ZNF512B: variants seen among roughly 807,000 people sequenced by gnomAD.
ZNF512B encodes the protein zinc finger protein 512B.
A neutral mutation model predicts 87.8 loss-of-function variants in ZNF512B; 22 were observed. The observed-to-expected ratio is 0.25, with a 90% CI of 0.18 to 0.36. The LOEUF is 0.36. Among genes scored for constraint, ZNF512B ranks in the 10% least tolerant of loss-of-function variants. The pLI is 1.00. For missense variants in ZNF512B, 1,060 were observed against 1,231.6 expected, an observed-to-expected ratio of 0.86 and a Z score of 2.09; for synonymous variants, 524 against 490.9, an observed-to-expected ratio of 1.07 and a Z score of -0.89.
Position 63,967,005 on chromosome 20 carries a change from C to G in ZNF512B, c.265-1G>C. 1 of 1,613,340 alleles carries G rather than the reference C, an allele frequency of 6.2e-7. No homozygotes were observed. The highest frequency in any genetic ancestry group is 8.5e-7 in the Non-Finnish European group (1 of 1,179,996). Reference sequence around the variant, plus strand: ...CCTTCCAGTCGTTCATCAGGGAGAGCTAGGCGTGGGGAAAGGTGGTGCTGC... The same window carrying G: ...CCTTCCAGTCGTTCATCAGGGAGAGGTAGGCGTGGGGAAAGGTGGTGCTGC... On this transcript the variant is annotated splice_acceptor_variant, in intron 3 of 16. Transcript: ENST00000369888. LOFTEE classifies it high-confidence loss of function.
At chr20:63,969,303 C>T (rs1424719784) in intron 1 of ZNF512B, 1 of 479,944 alleles carries the variant, frequency 2.1e-6, no homozygotes, top group Non-Finnish European at 2.7e-6. Flanking sequence ...GGCAGAGACG[C>T]GACTGGCGCC....
In ZNF512B at chr20:63,959,961, G is replaced by A. The variant is rs1396192467; in HGVS notation, c.2606C>T (p.Pro869Leu). The A allele has an allele frequency of 2.5e-6, 4 of 1,611,680 alleles. No homozygotes were observed. Among genetic ancestry groups the A allele is most frequent in the Non-Finnish European group, 2.5e-6 (3 of 1,179,936 alleles). The part of the protein sequence containing the change: ...KLPPRRDDWP[P>L]GCRDKGARGS... The stretch of plus-strand genomic sequence containing the variant: ...CCGGGCCCCCTTGTCTCTGCATCCT[G>A]GAGGCCAGTCGTCCCGGCGCGGGGG... Residue 869 changes from proline (P) to leucine (L), a missense_variant, in exon 17 of 17, where the codon CCA (proline) becomes CTA (leucine). Pro to Leu is a moderately conservative substitution (Grantham distance 98). Transcript: ENST00000369888.
intron 16 of ZNF512B, among the ~76,000 whole-genome samples, chr20:63,960,974 G>GC (rs112428137): frequency 4.8e-5 from 7 of 145,136 alleles, no homozygotes; most frequent in African/African-American, 7.7e-5. Flanking sequence ...AGCACCTGCA[G>GC]GGGGCTGGAC....
chr20:63,969,346 C>T (rs1002214087), intron 1 of ZNF512B, among the ~76,000 whole-genome samples: 2 of 152,216 alleles, frequency 1.3e-5, no homozygotes, highest in Non-Finnish European at 2.9e-5. Flanking sequence ...CCTCCCGAGC[C>T]CAGCGGGGAC....
At chr20:63,960,650 C>G (rs1347495869) in intron 16 of ZNF512B, among the ~76,000 whole-genome samples, 1 of 148,754 alleles carries the variant, frequency 6.7e-6, no homozygotes, top group African/African-American at 2.5e-5. Flanking sequence ...CTGGACACAG[C>G]CTTCGGGACC....
Position 63,963,417 on chromosome 20 carries a change from TTCGGAGGCC to T in ZNF512B, c.1713_1721del (p.Ala572_Glu574del). 1 of 1,548,862 alleles carries T rather than the reference TTCGGAGGCC, an allele frequency of 6.5e-7. No homozygotes were observed. The highest frequency in any genetic ancestry group is 8.7e-7 in the Non-Finnish European group (1 of 1,151,840). ...TCTCGCGCTCCTCCTGCTCGCCCCC[TTCGGAGGCC>T]TCGGCGTCAGAGGGCTGGGGACAGG... On this transcript the variant is annotated inframe_deletion, in exon 11 of 17. Transcript: ENST00000369888.
Position 63,967,838 on chromosome 20 carries a change from G to A in ZNF512B, c.113C>T (p.Pro38Leu), listed in dbSNP as rs771936199. ...GCCCTGACTCCTCTTACCCATCTTCGGTGGGTCATGCAGCATTGGAAGTCG... is the reference window on the plus strand; with the variant it reads ...GCCCTGACTCCTCTTACCCATCTTCAGTGGGTCATGCAGCATTGGAAGTCG... ...EVRLPMLHDPPKMGMPVVRGG... is the reference protein window; with the variant it reads ...EVRLPMLHDPLKMGMPVVRGG... The change falls in exon 2 of 17, where the codon CCG becomes CTG. Residue 38 changes from proline (P) to leucine (L), a missense_variant. By Grantham distance (98) the Pro-to-Leu change is moderately conservative. This residue lies in a region of ZNF512B where 134 missense variants were observed against 153.6 expected (regional missense o/e 0.87). Transcript: ENST00000369888. 5.6e-6 allele frequency: 9 copies of A among 1,612,114 alleles called. No homozygotes were observed. The highest frequency in any genetic ancestry group is 1.1e-5 in the South Asian group (1 of 91,062).
chr20:63,962,932 G>T, intron 12 of ZNF512B, 151 bp from the exon 13 acceptor site: 1 of 1,265,834 alleles, frequency 7.9e-7, no homozygotes, highest in Non-Finnish European at 1.1e-6. Context: ...GGAACACGGA[G>T]GTTTCACCCT....
Position 63,962,625 on chromosome 20 carries a change from G to T in ZNF512B, c.2125C>A (p.Arg709=). Residue 709 remains arginine, a synonymous_variant, in exon 13 of 17, where the codon CGG becomes AGG. Transcript: ENST00000369888. ...GGCACAAGGTCATCCTTCATGCGCC[G>T]CTTGGTCCAGTCGCGGGCCAGCTCG... The part of the protein sequence containing the change: ...EDELARDWTK[R]RMKDDLVPET... 1 of 1,607,560 alleles carries T rather than the reference G, an allele frequency of 6.2e-7. No homozygotes were observed. The highest frequency in any genetic ancestry group is 8.5e-7 in the Non-Finnish European group (1 of 1,178,838).
At position 63,957,212 on chromosome 20, in the gene ZNF512B, C is replaced by T. The variant is rs901635392; in HGVS notation, c.*2676G>A. ...TTGCACCAGCAAATAAAGTGCATCC[C>T]ATTTTCGTGTGAGCGTCGGCCCGGT... is the stretch of plus-strand genomic sequence containing the variant. On this transcript the variant is annotated 3_prime_UTR_variant, in exon 17 of 17. Transcript: ENST00000369888. 4 of 152,648 alleles carry T rather than the reference C, an allele frequency of 2.6e-5. No individual in the cohort carries two copies. Among genetic ancestry groups the T allele is most frequent in the Non-Finnish European group, 5.9e-5 (4 of 68,052 alleles). 9.5% of individuals were successfully genotyped at this position (152,648 alleles called of 1,614,324 possible).
rs2058855209 is a variant in ZNF512B at position 63,961,851 on chromosome 20, G to T, written c.2328+91C>A. 1.5e-6 allele frequency: 2 copies of T among 1,305,430 alleles called. No homozygotes were observed. The highest frequency in any genetic ancestry group is 1.3e-5 in the South Asian group (1 of 78,734). The allele number at this position is 1,305,430 out of a possible 1,614,324, so 80.9% of individuals were successfully genotyped here. A position where few individuals can be genotyped will look rare whatever the true frequency, so the allele number is the denominator to read the frequency against. ...TAGAAAAAGTAGGGGACAAGGCAGG[G>T]TCCCTCACTACTGTGTGGGAAGCCC... On this transcript the variant is annotated intron_variant, in intron 15 of 16. Coordinates refer to ENST00000369888, the MANE Select transcript of ZNF512B (RefSeq NM_020713.3). This position sits in a 1 kb window ranked among gnomAD's most constrained non-coding sequence, Gnocchi z 6.4.
At position 63,963,669 on chromosome 20, in the gene ZNF512B, G is replaced by A. The variant is rs150091207; in HGVS notation, c.1647C>T (p.Phe549=). Residue 549 remains phenylalanine (F), a synonymous_variant, in exon 10 of 17, where the codon TTC becomes TTT. Coordinates refer to ENST00000369888, the MANE Select transcript of ZNF512B (RefSeq NM_020713.3). The part of the protein sequence containing the change: ...ALKCQHCRKQ[F]KSKAGLNYHT... ...GGTAGTTGAGGCCGGCTTTGGACTTGAACTGCTTCCGGCAGTGCTGGCACT... is the reference window on the plus strand; with the variant it reads ...GGTAGTTGAGGCCGGCTTTGGACTTAAACTGCTTCCGGCAGTGCTGGCACT... 1.8e-5 allele frequency: 29 copies of A among 1,613,482 alleles called. No individual in the cohort carries two copies. Among genetic ancestry groups the A allele is most frequent in the Non-Finnish European group, 5.1e-6 (6 of 1,180,032 alleles).
chr20:63,960,802 A>C (rs1226412246), intron 16 of ZNF512B, among the ~76,000 whole-genome samples: 7 of 137,002 alleles, frequency 5.1e-5, no homozygotes, highest in African/African-American at 8.4e-5. Flanking sequence ...AAGCACCTGC[A>C]GCAGGGCTGG....
At chr20:63,967,594 A>G (rs2058941706) in intron 2 of ZNF512B, 71 bp from the exon 3 acceptor site, 1 of 1,521,148 alleles carries the variant, frequency 6.6e-7, no homozygotes, top group South Asian at 1.3e-5. Flanking sequence ...GCACAGGCCC[A>G]CAGTGAGCAC....
chr20:63,967,358 A>C (rs535591794), intron 3 of ZNF512B, 23 bp downstream of exon 3: 6 of 1,574,676 alleles, frequency 3.8e-6, no homozygotes, highest in South Asian at 3.5e-5. Context: ...CATGAGCCCC[A>C]CCATGGCCCT....
In ZNF512B at chr20:63,967,969, CA is replaced by C. The variant is rs1223876170; in HGVS notation, c.-2-18del. ...CCGTCATCTCTGCAGAGCAAGTAGA[CA>C]ATCTGTGAAGCCTGACGGGCCCCAC... is the stretch of plus-strand genomic sequence containing the variant. On this transcript the variant is annotated intron_variant, in intron 1 of 16. Coordinates refer to ENST00000369888, the MANE Select transcript of ZNF512B (RefSeq NM_020713.3). 2 of 1,594,436 alleles carry C rather than the reference CA, an allele frequency of 1.3e-6. No individual in the cohort carries two copies. The highest frequency in any genetic ancestry group is 2.7e-5 in the African/African-American group (2 of 74,658).
intron 13 of ZNF512B, 99 bp downstream of exon 13, chr20:63,962,488 T>G: frequency 6.4e-7 from 1 of 1,551,496 alleles, no homozygotes; most frequent in Non-Finnish European, 8.7e-7. Context: ...GGGCAGCGGG[T>G]GGCCCAGGTC....
In ZNF512B at chr20:63,957,727, G is replaced by C. The variant is rs866973110; in HGVS notation, c.*2161C>G. 6.6e-6 allele frequency: 1 copy of C among 152,434 alleles called. No homozygotes were observed. Among genetic ancestry groups the C allele is most frequent in the East Asian group, 1.9e-4 (1 of 5,200 alleles). The allele number at this position is 152,434 out of a possible 1,614,324, so 9.4% of individuals were successfully genotyped here. ...AAGGGCCAAGTACCTGAGAGGCTGG[G>C]GCAGGCACCACACCCTGCAGGTGTT... On this transcript the variant is annotated 3_prime_UTR_variant, in exon 17 of 17. Coordinates refer to ENST00000369888, the MANE Select transcript of ZNF512B (RefSeq NM_020713.3).
Position 63,956,870 on chromosome 20 carries a change from T to C in ZNF512B, c.*3018A>G, listed in dbSNP as rs1601454976. On this transcript the variant is annotated 3_prime_UTR_variant, in exon 17 of 17. Transcript: ENST00000369888. The stretch of plus-strand genomic sequence containing the variant: ...ACTCACCGTTGAAACATCTCGCAAA[T>C]AAACACTTTGTAGATAGAATATATA... 1 of 152,560 alleles carries C rather than the reference T, an allele frequency of 6.6e-6. No homozygotes were observed. Among genetic ancestry groups the C allele is most frequent in the Non-Finnish European group, 1.5e-5 (1 of 68,092 alleles). The allele number at this position is 152,560 out of a possible 1,614,324, so 9.5% of individuals were successfully genotyped here.
Sources: allele counts gnomAD v4.1 joint callset (sites outside exome capture counted in the v4.1 genomes callset), GRCh38; gene constraint gnomAD v4.1.1; regional missense constraint gnomAD v4.1.1; non-coding constraint Gnocchi (gnomAD v3.1); transcripts MANE v1.5; gene names NCBI Gene and HGNC (gene_info 2026-07-23, HGNC 2026-07-21).